CD300LF: variants seen among roughly 807,000 people sequenced by gnomAD.
CD300LF encodes CMRF35-like molecule 1.
In CD300LF, 27 loss-of-function variants were observed where a neutral mutation model predicts 32.2. The ratio of observed to expected loss-of-function variants is 0.84; its 90% CI spans 0.62 to 1.15. The LOEUF (loss-of-function observed/expected upper bound fraction) is 1.15. Among genes scored for constraint, CD300LF ranks in the 50% most tolerant of loss-of-function variants. The probability of loss-of-function intolerance (pLI) is 0.00; values close to 1 mark genes in which losing one functional copy is unlikely to be tolerated. For synonymous variants in CD300LF, 139 were observed against 143.2 expected (o/e 0.97, Z 0.21); for missense variants, 348 against 356.8 (o/e 0.98, Z 0.20).
At chr17:74,708,008 C>T (rs1043745285) in intron 1 of CD300LF, among the ~76,000 whole-genome samples, 17 of 151,320 alleles carry the variant, frequency 1.1e-4, no homozygotes, top group African/African-American at 4.1e-4. Context: ...ATTAGCCTGG[C>T]GTGGTGGCAC....
At chr17:74,709,346 G>T (rs2143887383) in intron 1 of CD300LF, among the ~76,000 whole-genome samples, 1 of 152,266 alleles carries the variant, frequency 6.6e-6, no homozygotes, top group South Asian at 2.1e-4. Flanking sequence ...GCTCATTCAT[G>T]ATTTTTTAAA....
intron 4 of CD300LF, among the ~76,000 whole-genome samples, chr17:74,697,773 G>C (rs2032636829): frequency 1.3e-5 from 2 of 152,198 alleles, no homozygotes; most frequent in South Asian, 4.1e-4. Context: ...AAGTAGGTCA[G>C]CCTGGGAAAG....
At chr17:74,712,730 A>G in intron 1 of CD300LF, 94 bp downstream of exon 1, 1 of 1,307,516 alleles carries the variant, frequency 7.6e-7, no homozygotes, top group East Asian at 2.3e-5. Flanking sequence ...CATGCCATTA[A>G]GGACACCTTC....
At chr17:74,709,454 C>T (rs1008574470) in intron 1 of CD300LF, among the ~76,000 whole-genome samples, 1 of 152,132 alleles carries the variant, frequency 6.6e-6, no homozygotes, top group Non-Finnish European at 1.5e-5. Context: ...TTCATATGTA[C>T]TTTATAATAA....
Position 74,712,807 on chromosome 17 carries a change from G to C in CD300LF, c.43+17C>G. 1 of 1,613,950 alleles carries C rather than the reference G, an allele frequency of 6.2e-7. No homozygotes were observed. The highest frequency in any genetic ancestry group is 8.5e-7 in the Non-Finnish European group (1 of 1,179,930). On this transcript the variant is annotated intron_variant, in intron 1 of 6. Coordinates refer to ENST00000326165, the MANE Select transcript of CD300LF (RefSeq NM_139018.5). ...CTTGCTAAGCTTCCCCAAGAAGACA[G>C]ACCCAGGCCCGCTCACCTGAGAGCC...
rs111764729 is a variant in CD300LF at position 74,704,246 on chromosome 17, T to TA, written c.382+231dup. ...CCTCAGGCACTGAGCTGTGCAGAGG[T>TA]AAAAAATGTGCCTAGAAAGGCTTAA... is the stretch of plus-strand genomic sequence containing the variant. On this transcript the variant is annotated intron_variant, in intron 2 of 6. Coordinates refer to ENST00000326165, the MANE Select transcript of CD300LF (RefSeq NM_139018.5). The TA allele has an allele frequency of 8.6e-4, 458 of 531,168 alleles. 1 individual carries two copies. The highest frequency in any genetic ancestry group is 7.8e-3 in the African/African-American group (410 of 52,652). The allele number at this position is 531,168 out of a possible 1,614,324, so 32.9% of individuals were successfully genotyped here. A position where few individuals can be genotyped will look rare whatever the true frequency, so the allele number is the denominator to read the frequency against.
intron 2 of CD300LF, 55 bp from the exon 3 acceptor site, chr17:74,703,153 A>C: frequency 1.9e-6 from 3 of 1,609,782 alleles, no homozygotes; most frequent in Non-Finnish European, 2.5e-6. Context: ...GCTGTAGTTG[A>C]TGCTTGGTGT....
chr17:74,696,158 C>T (rs1338758572), intron 5 of CD300LF, 37 bp downstream of exon 5: 1 of 1,584,212 alleles, frequency 6.3e-7, no homozygotes, highest in Non-Finnish European at 8.5e-7. Flanking sequence ...AAAGAAGCTG[C>T]CTGGTCTCTC....
intron 1 of CD300LF, among the ~76,000 whole-genome samples, chr17:74,710,823 C>T (rs923858691): frequency 2.0e-5 from 3 of 151,608 alleles, no homozygotes; most frequent in Non-Finnish European, 2.9e-5. Context: ...GCCAAGATCG[C>T]GCCACTGCAC....
At position 74,704,563 on chromosome 17, in the gene CD300LF, C is replaced by T; in HGVS notation, c.297G>A (p.Met99Ile). 1 of 1,614,226 alleles carries T rather than the reference C, an allele frequency of 6.2e-7. No homozygotes were observed. The highest frequency in any genetic ancestry group is 1.1e-5 in the South Asian group (1 of 91,084). Residue 99 changes from methionine to isoleucine, a missense_variant, in exon 2 of 7, where the codon ATG becomes ATA. By Grantham distance (10) the Met-to-Ile change is conservative. Transcript: ENST00000326165. ...RTFTVTMEDL[M>I]KTDADTYWCG... is the part of the protein sequence containing the mutation. ...ACCAGTAAGTGTCAGCATCAGTTTTCATGAGATCCTCCATGGTCACAGTGA... is the reference window on the plus strand; with the variant it reads ...ACCAGTAAGTGTCAGCATCAGTTTTTATGAGATCCTCCATGGTCACAGTGA...
intron 3 of CD300LF, 77 bp downstream of exon 3, chr17:74,702,958 G>A: frequency 8.1e-7 from 1 of 1,240,766 alleles, no homozygotes; most frequent in South Asian, 1.2e-5. Flanking sequence ...GCTCAGGCTG[G>A]AAAATGGGAC....
At chr17:74,708,624 A>C (rs1445089537) in intron 1 of CD300LF, among the ~76,000 whole-genome samples, 1 of 152,208 alleles carries the variant, frequency 6.6e-6, no homozygotes, top group Non-Finnish European at 1.5e-5. Context: ...ACATTAAAAA[A>C]TCAATAAGGA....
chr17:74,695,366 C>T (rs549579978), intron 6 of CD300LF, 115 bp from the exon 7 acceptor site: 192 of 1,260,968 alleles, frequency 1.5e-4, no homozygotes, highest in Admixed American at 2.1e-4. Flanking sequence ...TCTAATCCCA[C>T]TCAAGCCCTC....
intron 1 of CD300LF, 95 bp downstream of exon 1, chr17:74,712,729 A>C: frequency 2.3e-6 from 3 of 1,297,056 alleles, no homozygotes; most frequent in Non-Finnish European, 3.3e-6. Flanking sequence ...TCATGCCATT[A>C]AGGACACCTT....
At chr17:74,698,665 A>T in intron 3 of CD300LF, 184 bp from the exon 4 acceptor site, 2 of 1,410,796 alleles carry the variant, frequency 1.4e-6, no homozygotes. Flanking sequence ...ACACATAGAC[A>T]CAAAGAAGGG....
At position 74,698,496 on chromosome 17, in the gene CD300LF, A is replaced by G. The variant is rs749250462; in HGVS notation, c.447-15T>C. The G allele has an allele frequency of 6.2e-7, 1 of 1,607,728 alleles. No homozygotes were observed. The highest frequency in any genetic ancestry group is 8.5e-7 in the Non-Finnish European group (1 of 1,176,974). Reference sequence around the variant, plus strand: ...GGAGCTTGTGCCTAGAAACAATGGCAAGCGTCCCCTGCATCCCAGGCTCAC... The same window carrying G: ...GGAGCTTGTGCCTAGAAACAATGGCGAGCGTCCCCTGCATCCCAGGCTCAC... On this transcript the variant is annotated splice_polypyrimidine_tract_variant and intron_variant, in intron 3 of 6. Coordinates refer to ENST00000326165, the MANE Select transcript of CD300LF (RefSeq NM_139018.5).
chr17:74,696,253 C>T, intron 4 of CD300LF, 36 bp from the exon 5 acceptor site: 1 of 1,592,132 alleles, frequency 6.3e-7, no homozygotes, highest in South Asian at 1.1e-5. Flanking sequence ...TTAGAAAGCC[C>T]ATTCCCCAGA....
chr17:74,699,918 G>A (rs922447132), intron 3 of CD300LF, among the ~76,000 whole-genome samples: 1 of 151,808 alleles, frequency 6.6e-6, no homozygotes, highest in Non-Finnish European at 1.5e-5. Flanking sequence ...AAGTAGGCAG[G>A]TCACTTGAGG....
At chr17:74,708,915 CA>C (rs570521560) in intron 1 of CD300LF, among the ~76,000 whole-genome samples, 52 of 125,052 alleles carry the variant, frequency 4.2e-4, no homozygotes, top group East Asian at 1.6e-3. Flanking sequence ...GACTCCGTCT[CA>C]AAAAAAAAAA....
Sources: gnomAD v4.1 joint callset for allele counts (sites outside exome capture counted in the v4.1 genomes callset) on GRCh38, gnomAD v4.1.1 for gene constraint, MANE v1.5 for transcripts, NCBI Gene and HGNC (gene_info 2026-07-23, HGNC 2026-07-21) for gene names.